DYTN: variants seen among roughly 807,000 people sequenced by gnomAD.
DYTN encodes the protein dystrotelin.
Under a neutral mutation model 69.6 loss-of-function variants are expected in DYTN, and 75 were observed. The ratio of observed to expected loss-of-function variants is 1.08; its 90% confidence interval spans 0.89 to 1.31. DYTN has a LOEUF of 1.31. Among genes scored for constraint, DYTN ranks in the 50% most tolerant of loss-of-function variants. DYTN has a pLI of 0.00. For synonymous variants in DYTN, 252 were observed against 249.1 expected (o/e 1.01, Z -0.11); for missense variants, 726 against 688.4 (o/e 1.05, Z -0.61).
At chr2:206,673,269 T>C (rs544152808) in intron 9 of DYTN, among the ~76,000 whole-genome samples, 2 of 152,326 alleles carry the variant, frequency 1.3e-5, no homozygotes, top group African/African-American at 4.8e-5. Flanking sequence ...TTTATTTTTT[T>C]ATTTTTGAGA....
chr2:206,693,578 T>G lies in DYTN; in HGVS notation c.832-255A>C, dbSNP rs115076480. 9.8e-4 allele frequency among the ~76,000 whole-genome samples: 150 copies of G among 152,296 alleles called. 4 individuals carry two copies. Among genetic ancestry groups the G allele is most frequent in the African/African-American group, 3.4e-3 (140 of 41,546 alleles). On this transcript the variant is annotated intron_variant, in intron 8 of 11. Coordinates refer to ENST00000452335, the MANE Select transcript of DYTN (RefSeq NM_001093730.1). ...AGAGTAACCCCGTCATTTGGCATTC[T>G]ACACCTAGAGGAGGGCATCAAAGAG...
chr2:206,678,464 TA>T (rs1038582632), intron 9 of DYTN, among the ~76,000 whole-genome samples: 10 of 152,222 alleles, frequency 6.6e-5, no homozygotes, highest in Non-Finnish European at 1.3e-4. Flanking sequence ...CCTAAGGAAA[TA>T]ATTGGAGATG....
chr2:206,685,742 A>G (rs953328132), intron 9 of DYTN, among the ~76,000 whole-genome samples: 3 of 151,812 alleles, frequency 2.0e-5, no homozygotes, highest in Non-Finnish European at 4.4e-5. Flanking sequence ...GCCATTCAGA[A>G]CCCTCCCTAT....
At chr2:206,713,165 C>A (rs868034929) in intron 1 of DYTN, among the ~76,000 whole-genome samples, 2 of 152,128 alleles carry the variant, frequency 1.3e-5, no homozygotes, top group Non-Finnish European at 2.9e-5. Flanking sequence ...CAGCATGTTT[C>A]AAAATATGTG....
At chr2:206,708,616 G>C (rs1456830683) in intron 2 of DYTN, among the ~76,000 whole-genome samples, 1 of 152,148 alleles carries the variant, frequency 6.6e-6, no homozygotes, top group Admixed American at 6.5e-5. Context: ...AACACAGGCC[G>C]ATTTCATCTC....
intron 11 of DYTN, among the ~76,000 whole-genome samples, chr2:206,661,073 T>C (rs999118898): frequency 1.3e-5 from 2 of 151,990 alleles, no homozygotes; most frequent in African/African-American, 2.4e-5. Context: ...AAGAAAAAAT[T>C]TGGACATAGA....
intron 9 of DYTN, among the ~76,000 whole-genome samples, chr2:206,685,909 G>A (rs1032270121): frequency 1.3e-5 from 2 of 151,300 alleles, no homozygotes; most frequent in South Asian, 2.1e-4. Context: ...AGCAAGGGAC[G>A]CTTTTTTCTC....
intron 9 of DYTN, among the ~76,000 whole-genome samples, chr2:206,677,716 C>G (rs911597666): frequency 1.3e-5 from 2 of 152,104 alleles, no homozygotes; most frequent in Admixed American, 1.3e-4. Flanking sequence ...TTAGACTGAG[C>G]ATGGTGGCTC....
In DYTN at chr2:206,663,143, C is replaced by A. The variant is rs373029999; in HGVS notation, c.1393G>T (p.Ala465Ser). 1.9e-6 allele frequency: 3 copies of A among 1,613,890 alleles called. No individual in the cohort carries two copies. Among genetic ancestry groups the A allele is most frequent in the Non-Finnish European group, 2.5e-6 (3 of 1,179,872 alleles). ...GGCATCTTTTGTGTTTGGCTTTGTG[C>A]CCTGGTGCTGTGCAAAGTGGTCTCT... ...SPETTLHSTR[A>S]QSQTQKMPQK... Residue 465 changes from alanine (A) to serine (S), a missense_variant, in exon 11 of 12, where the codon GCA (alanine) becomes TCA (serine). Transcript: ENST00000452335.
At chr2:206,664,073 GAA>G (rs35598459) in intron 10 of DYTN, among the ~76,000 whole-genome samples, 17,930 of 142,254 alleles carry the variant, frequency 0.13, 1,114 homozygotes, top group Non-Finnish European at 0.15. Context: ...ACTAGCAGTG[GAA>G]AAAAAAAAAA....
intron 9 of DYTN, among the ~76,000 whole-genome samples, chr2:206,691,451 A>G (rs2105896828): frequency 6.6e-6 from 1 of 152,262 alleles, no homozygotes; most frequent in South Asian, 2.1e-4. Flanking sequence ...TGATGTGACT[A>G]TGGGAATATA....
chr2:206,694,916 A>T, intron 7 of DYTN, 39 bp from the exon 8 acceptor site: 13 of 1,043,116 alleles, frequency 1.2e-5, no homozygotes, highest in Non-Finnish European at 1.6e-5. Flanking sequence ...CGTCACTAGT[A>T]GATGAGAAAA....
chr2:206,684,376 C>T (rs535646556), intron 9 of DYTN, among the ~76,000 whole-genome samples: 6 of 152,252 alleles, frequency 3.9e-5, no homozygotes, highest in East Asian at 1.9e-4. Context: ...ACTATCATGG[C>T]TCACTGCAGC....
At chr2:206,654,921 A>G (rs1267174941) in intron 11 of DYTN, among the ~76,000 whole-genome samples, 1 of 152,154 alleles carries the variant, frequency 6.6e-6, no homozygotes, top group African/African-American at 2.4e-5. Context: ...ATATGCAAAT[A>G]GAGATCTTTT....
At chr2:206,655,034 G>T (rs1431262042) in intron 11 of DYTN, among the ~76,000 whole-genome samples, 2 of 152,126 alleles carry the variant, frequency 1.3e-5, no homozygotes, top group African/African-American at 4.8e-5. Context: ...GTGAAAATAA[G>T]CATCCTTGCT....
At chr2:206,713,093 G>C (rs963715561) in intron 1 of DYTN, among the ~76,000 whole-genome samples, 5 of 152,058 alleles carry the variant, frequency 3.3e-5, no homozygotes, top group Non-Finnish European at 7.4e-5. Flanking sequence ...CCTTCCTTTG[G>C]TTATTTAATT....
Position 206,700,217 on chromosome 2 carries a change from C to A in DYTN, c.484-1G>T. 6.2e-7 allele frequency: 1 copy of A among 1,613,862 alleles called. No individual in the cohort carries two copies. On this transcript the variant is annotated splice_acceptor_variant, in intron 5 of 11. Transcript: ENST00000452335. LOFTEE classifies it high-confidence loss of function. ...GACTCTCTCCCACGAAAGTTGGGATCTGCAAGAGACAACCTCATCTTAGCT... is the reference window on the plus strand; with the variant it reads ...GACTCTCTCCCACGAAAGTTGGGATATGCAAGAGACAACCTCATCTTAGCT...
chr2:206,694,941 A>C, intron 7 of DYTN, 64 bp from the exon 8 acceptor site: 5 of 1,233,922 alleles, frequency 4.1e-6, no homozygotes, highest in Non-Finnish European at 5.5e-6. Context: ...AAAAAAAAGA[A>C]TATCCAGGTA....
rs146760881 is a variant in DYTN at position 206,663,614 on chromosome 2, C to T, written c.1141-219G>A. Among the ~76,000 whole-genome samples, 37 of 152,198 alleles carry T rather than the reference C, an allele frequency of 2.4e-4. 1 individual carries two copies. In the East Asian group the frequency reaches 7.1e-3, roughly 29 times the overall value. ...TGGAACAGCTCAGATTCTAAAATAA[C>T]AGAGGGAATAATTACAAGAAATTTA... On this transcript the variant is annotated intron_variant, in intron 10 of 11. Transcript: ENST00000452335.
Sources: gnomAD v4.1 joint callset for allele counts (sites outside exome capture counted in the v4.1 genomes callset) on GRCh38, gnomAD v4.1.1 for gene constraint, MANE v1.5 for transcripts, NCBI Gene and HGNC (gene_info 2026-07-23, HGNC 2026-07-21) for gene names.